The following CACNA1B variants were observed in gnomAD, a reference collection of about 807,000 sequenced individuals.
CACNA1B encodes calcium voltage-gated channel subunit alpha1 B, also known as voltage-dependent N-type calcium channel subunit alpha-1B.
In CACNA1B, 70 loss-of-function variants were observed where a neutral mutation model predicts 247.2. The ratio of observed to expected loss-of-function variants is 0.28; its 90% confidence interval spans 0.23 to 0.35. The LOEUF (loss-of-function observed/expected upper bound fraction) is 0.35, where lower values mean the gene tolerates loss of function less well. Among genes scored for constraint, CACNA1B ranks in the 10% least tolerant of loss-of-function variants. The probability of loss-of-function intolerance (pLI) is 1.00; values close to 1 mark genes in which losing one functional copy is unlikely to be tolerated. For synonymous variants in CACNA1B, 1,231 were observed against 1,294.4 expected (o/e 0.95, Z 1.05); for missense variants, 2,367 against 3,197.4 (o/e 0.74, Z 6.26).
In CACNA1B at chr9:137,988,980, T is replaced by C. The variant is rs117784376; in HGVS notation, c.1974+2126T>C. ...TTGGGAGTGGGGCAGGGAGGGCATG[T>C]GAGGAGGAAGAAAGCAGCTTCAGCT... On this transcript the variant is annotated intron_variant, in intron 15 of 46. Coordinates refer to ENST00000371372, the MANE Select transcript of CACNA1B (RefSeq NM_000718.4). 4.8e-3 allele frequency among the ~76,000 whole-genome samples: 731 copies of C among 152,186 alleles called. 4 individuals are homozygous for C. Among genetic ancestry groups the C allele is most frequent in the Non-Finnish European group, 8.5e-3 (577 of 68,000 alleles).
intron 31 of CACNA1B, among the ~76,000 whole-genome samples, chr9:138,061,085 G>A (rs562738805): frequency 1.1e-4 from 17 of 152,330 alleles, no homozygotes; most frequent in Admixed American, 2.6e-4. Context: ...TGAAGACTGC[G>A]CACAGGAGCG....
At chr9:137,941,798 A>C (rs930320883) in intron 6 of CACNA1B, among the ~76,000 whole-genome samples, 1 of 152,206 alleles carries the variant, frequency 6.6e-6, no homozygotes, top group Non-Finnish European at 1.5e-5. Context: ...ATGAAACTGA[A>C]TTCTCATCTC....
intron 18 of CACNA1B, 88 bp from the exon 19 acceptor site, chr9:138,022,923 C>T: frequency 1.4e-6 from 2 of 1,397,796 alleles, no homozygotes; most frequent in African/African-American, 3.0e-5. Flanking sequence ...TGCGCCATTA[C>T]TCCATTGCTG....
At chr9:138,045,777 T>C (rs2133477503) in intron 21 of CACNA1B, among the ~76,000 whole-genome samples, 1 of 152,280 alleles carries the variant, frequency 6.6e-6, no homozygotes, top group African/African-American at 2.4e-5. Flanking sequence ...AGCAGCAGGC[T>C]GGCGGTGGGC....
rs867086166 is a variant in CACNA1B at position 138,105,747 on chromosome 9, C to G, written c.5368C>G (p.His1790Asp). The G allele has an allele frequency of 2.6e-6, 4 of 1,567,516 alleles. No individual in the cohort carries two copies. Among genetic ancestry groups the G allele is most frequent in the African/African-American group, 1.4e-5 (1 of 73,694 alleles). Residue 1790 changes from histidine to aspartate, a missense_variant, in exon 39 of 47, where the codon CAC (histidine) becomes GAC (aspartate). By Grantham distance (81) the His-to-Asp change is moderately conservative. Coordinates refer to ENST00000371372, the MANE Select transcript of CACNA1B (RefSeq NM_000718.4). Reference protein sequence around the residue: ...MPISNEDMTVHFTSTLMALIR... With the variant: ...MPISNEDMTVDFTSTLMALIR... ...CATCTCCAACGAGGACATGACTGTT[C>G]ACTTCACGTCCACGCTGATGGCCCT...
intron 36 of CACNA1B, among the ~76,000 whole-genome samples, chr9:138,085,655 TAACAG>T (rs1960670810): frequency 6.6e-6 from 1 of 151,220 alleles, no homozygotes; most frequent in Admixed American, 6.6e-5. Context: ...AAGTCACATA[TAACAG>T]AATCCCCCGT....
intron 3 of CACNA1B, among the ~76,000 whole-genome samples, chr9:137,898,569 G>A (rs1957197029): frequency 6.6e-6 from 1 of 151,996 alleles, no homozygotes; most frequent in South Asian, 2.1e-4. Flanking sequence ...GCAGTAGCAT[G>A]ATCATGGCTT....
At chr9:138,099,345 C>T (rs1309785138) in intron 37 of CACNA1B, among the ~76,000 whole-genome samples, 1 of 152,188 alleles carries the variant, frequency 6.6e-6, no homozygotes, top group Non-Finnish European at 1.5e-5. Flanking sequence ...ATATGTGTGC[C>T]TGTGTGTATA....
At position 138,100,722 on chromosome 9, in the gene CACNA1B, G is replaced by A. The variant is rs1961222926; in HGVS notation, c.5223-1989G>A. Among the ~76,000 whole-genome samples, 1 of 152,160 alleles carries A rather than the reference G, an allele frequency of 6.6e-6. No individual in the cohort carries two copies. Among genetic ancestry groups the A allele is most frequent in the South Asian group, 2.1e-4 (1 of 4,818 alleles). The stretch of plus-strand genomic sequence containing the variant: ...AGGCAAATGGGTATGGGCCTCTGAG[G>A]TTGCTGTGATAGAGAAGCAGACCTG... On this transcript the variant is annotated intron_variant, in intron 37 of 46. Coordinates refer to ENST00000371372, the MANE Select transcript of CACNA1B (RefSeq NM_000718.4). The surrounding 1 kb of genome is among the most constrained non-coding windows in gnomAD (Gnocchi z 4.6).
At chr9:137,978,043 C>CACTACCCTCCCCCCCAGGAAGGAGT (rs1958243194) in intron 12 of CACNA1B, among the ~76,000 whole-genome samples, 1 of 124,844 alleles carries the variant, frequency 8.0e-6, no homozygotes, top group Non-Finnish European at 1.7e-5. Context: ...AGGGTGGGAG[C>CACTACCCTCCCCCCCAGGAAGGAGT]ACTACCCTCC....
At chr9:138,045,451 A>T (rs1486841864) in intron 21 of CACNA1B, among the ~76,000 whole-genome samples, 1 of 152,128 alleles carries the variant, frequency 6.6e-6, no homozygotes, top group African/African-American at 2.4e-5. Flanking sequence ...CGTATGGAGG[A>T]ATTTTAGAGG....
intron 6 of CACNA1B, among the ~76,000 whole-genome samples, chr9:137,923,575 T>C (rs1291696093): frequency 6.6e-6 from 1 of 152,342 alleles, no homozygotes; most frequent in African/African-American, 2.4e-5. Flanking sequence ...ACCGTTCACC[T>C]GTGGAAGCTT....
intron 1 of CACNA1B, 104 bp from the exon 2 acceptor site, chr9:137,878,950 C>T (rs1719735467): frequency 1.4e-6 from 1 of 690,972 alleles, no homozygotes; most frequent in Non-Finnish European, 2.5e-6. Context: ...TGTCTCAGCC[C>T]CTCCGGAGAC....
chr9:138,099,861 G>A (rs994445087), intron 37 of CACNA1B, among the ~76,000 whole-genome samples: 35 of 152,372 alleles, frequency 2.3e-4, no homozygotes, highest in African/African-American at 7.9e-4. Flanking sequence ...GACTTGAGAG[G>A]AGAATTGCAG....
chr9:138,048,933 G>C (rs950922263), intron 23 of CACNA1B, among the ~76,000 whole-genome samples: 9 of 152,212 alleles, frequency 5.9e-5, no homozygotes, highest in African/African-American at 2.2e-4. Context: ...GTCCAGGCTG[G>C]TCTTGAACTC....
At chr9:138,093,111 A>G (rs938427982) in intron 36 of CACNA1B, among the ~76,000 whole-genome samples, 1 of 152,152 alleles carries the variant, frequency 6.6e-6, no homozygotes, top group Non-Finnish European at 1.5e-5. Flanking sequence ...TACTAAAGAA[A>G]AAAAGATAGA....
chr9:137,911,386 T>C (rs1036835309), intron 3 of CACNA1B, among the ~76,000 whole-genome samples: 4 of 152,308 alleles, frequency 2.6e-5, no homozygotes, highest in African/African-American at 4.8e-5. Flanking sequence ...TTGTCCTTTT[T>C]TTCTTTTTTT....
chr9:138,110,556 G>A (rs763083578), intron 39 of CACNA1B, among the ~76,000 whole-genome samples: 101 of 152,130 alleles, frequency 6.6e-4, no homozygotes, highest in Non-Finnish European at 1.0e-3. Flanking sequence ...GTGAGGCTCT[G>A]TCTCTACAAA....
intron 36 of CACNA1B, among the ~76,000 whole-genome samples, chr9:138,093,305 C>A (rs1010895803): frequency 8.8e-5 from 13 of 147,930 alleles, no homozygotes; most frequent in Admixed American, 4.8e-4. Flanking sequence ...CTAATCCCAG[C>A]TACTCAGGAG....
Sources: gnomAD v4.1 joint callset for allele counts (sites outside exome capture counted in the v4.1 genomes callset) on GRCh38, gnomAD v4.1.1 for gene constraint, Gnocchi (gnomAD v3.1) non-coding constraint, MANE v1.5 for transcripts, NCBI Gene and HGNC (gene_info 2026-07-23, HGNC 2026-07-21) for gene names.